SYN2: variants seen among roughly 807,000 people sequenced by gnomAD.
The protein encoded by SYN2 is synapsin-2.
A neutral mutation model predicts 50.9 loss-of-function variants in SYN2; 19 were observed. The observed-to-expected ratio is 0.37, with a 90% CI of 0.26 to 0.55. The LOEUF is 0.55. Ranked by LOEUF, SYN2 falls within the 20% of genes least tolerant of loss-of-function variation. The pLI, the probability that SYN2 is intolerant of heterozygous loss-of-function variation, is 0.81. For synonymous variants in SYN2, 255 were observed against 224.9 expected, an observed-to-expected ratio of 1.13 and a Z score of -1.20; for missense variants, 587 against 576.4, an observed-to-expected ratio of 1.02 and a Z score of -0.19.
chr3:12,039,885 T>G (rs1020899928), intron 1 of SYN2, among the ~76,000 whole-genome samples: 1 of 152,202 alleles, frequency 6.6e-6, no homozygotes, highest in Admixed American at 6.5e-5. Context: ...TTATGACATG[T>G]TTCCTGCCTT....
At chr3:12,162,920 A>G (rs531999350) in intron 7 of SYN2, among the ~76,000 whole-genome samples, 24 of 152,284 alleles carry the variant, frequency 1.6e-4, no homozygotes, top group African/African-American at 5.3e-4. Context: ...TATAATTCCA[A>G]TTTTGGAAAT....
At chr3:12,146,728 G>A (rs535163843) in intron 4 of SYN2, among the ~76,000 whole-genome samples, 1 of 152,220 alleles carries the variant, frequency 6.6e-6, no homozygotes, top group South Asian at 2.1e-4. Flanking sequence ...GAAACTTTTA[G>A]GCAGATAGAA....
chr3:12,091,271 T>C (rs1415464298), intron 1 of SYN2, among the ~76,000 whole-genome samples: 1 of 152,232 alleles, frequency 6.6e-6, no homozygotes, highest in Non-Finnish European at 1.5e-5. Flanking sequence ...ATGTATTTTT[T>C]TTCTCATTAC....
chr3:12,129,616 C>A (rs773455894), intron 1 of SYN2, among the ~76,000 whole-genome samples: 3 of 152,112 alleles, frequency 2.0e-5, no homozygotes, highest in Non-Finnish European at 2.9e-5. Context: ...GTGTATACCC[C>A]AGCCAGAAGA....
chr3:12,158,868 T>A, intron 5 of SYN2: 1 of 1,534,562 alleles, frequency 6.5e-7, no homozygotes, highest in Non-Finnish European at 8.7e-7. Context: ...ACTGAGCCTG[T>A]GAGGTCTGGG....
At chr3:12,136,815 T>C (rs1696903915) in intron 1 of SYN2, among the ~76,000 whole-genome samples, 1 of 152,156 alleles carries the variant, frequency 6.6e-6, no homozygotes, top group Admixed American at 6.5e-5. Context: ...AAGAAAAATG[T>C]TACAATAGGG....
chr3:12,142,882 C>G (rs1030686889), intron 3 of SYN2, among the ~76,000 whole-genome samples: 1 of 152,128 alleles, frequency 6.6e-6, no homozygotes, highest in Non-Finnish European at 1.5e-5. Context: ...ACAGGAAAGG[C>G]CAGACTGGAG....
chr3:12,103,629 G>A (rs977621215), intron 1 of SYN2, among the ~76,000 whole-genome samples: 7 of 152,090 alleles, frequency 4.6e-5, no homozygotes, highest in Non-Finnish European at 8.8e-5. Flanking sequence ...TGAGAAACCC[G>A]CTTCCAAGGT....
At chr3:12,137,478 G>T (rs1299154099) in intron 1 of SYN2, among the ~76,000 whole-genome samples, 1 of 152,076 alleles carries the variant, frequency 6.6e-6, no homozygotes, top group East Asian at 1.9e-4. Context: ...TCATCCTGTG[G>T]ATATATTTTT....
intron 1 of SYN2, among the ~76,000 whole-genome samples, chr3:12,064,865 C>T (rs1695178078): frequency 6.6e-6 from 1 of 152,090 alleles, no homozygotes; most frequent in African/African-American, 2.4e-5. Flanking sequence ...AGCAATTTCA[C>T]TCATAGGTAT....
In SYN2 at chr3:12,022,599, A is replaced by G. The variant is rs542709487; in HGVS notation, c.377+17671A>G. Among the ~76,000 whole-genome samples, 94 of 151,758 alleles carry G rather than the reference A, an allele frequency of 6.2e-4. 1 individual carries two copies. The highest frequency in any genetic ancestry group is 2.1e-3 in the African/African-American group (87 of 41,342). On this transcript the variant is annotated intron_variant, in intron 1 of 12. Transcript: ENST00000621198. ...ATTTTTGTATTTTTTTAGTAGAGAC[A>G]GGGTTTCACCATATTTACCAAGATG...
intron 7 of SYN2, among the ~76,000 whole-genome samples, chr3:12,163,927 A>T (rs1697719476): frequency 6.6e-6 from 1 of 152,084 alleles, no homozygotes; most frequent in Non-Finnish European, 1.5e-5. Context: ...AAATACAAAA[A>T]TTAGCTGGAT....
chr3:12,169,467 A>C (rs958499683), intron 9 of SYN2, among the ~76,000 whole-genome samples: 26 of 152,060 alleles, frequency 1.7e-4, no homozygotes, highest in Admixed American at 1.6e-3. Flanking sequence ...CTGAGGCTTT[A>C]CCCTCTCCTT....
chr3:12,167,892 G>C (rs906015142), intron 8 of SYN2, among the ~76,000 whole-genome samples: 3 of 152,172 alleles, frequency 2.0e-5, no homozygotes, highest in East Asian at 1.9e-4. Flanking sequence ...TAAGGAACTT[G>C]TTGGGAACTG....
chr3:12,026,430 T>G (rs1694258374), intron 1 of SYN2, among the ~76,000 whole-genome samples: 1 of 152,002 alleles, frequency 6.6e-6, no homozygotes, highest in Non-Finnish European at 1.5e-5. Flanking sequence ...TACAAGGCCT[T>G]CATGCTACCC....
intron 1 of SYN2, among the ~76,000 whole-genome samples, chr3:12,100,889 C>A (rs1313139873): frequency 6.6e-6 from 1 of 152,116 alleles, no homozygotes; most frequent in Non-Finnish European, 1.5e-5. Flanking sequence ...TACTCAGCAT[C>A]ATTTACCATC....
At chr3:12,031,948 G>A (rs1162078664) in intron 1 of SYN2, among the ~76,000 whole-genome samples, 18 of 144,672 alleles carry the variant, frequency 1.2e-4, no homozygotes, top group African/African-American at 2.7e-4. Flanking sequence ...GATTTTGCTC[G>A]TTAGTTGATG....
At chr3:12,183,209 C>G (rs1698261502) in intron 10 of SYN2, 103 bp from the exon 11 acceptor site, 1 of 1,450,614 alleles carries the variant, frequency 6.9e-7, no homozygotes, top group Non-Finnish European at 9.2e-7. Context: ...CCCACCAGGT[C>G]CCACCGGATT....
chr3:12,173,226 A>G (rs892284835), intron 10 of SYN2, among the ~76,000 whole-genome samples: 3 of 152,320 alleles, frequency 2.0e-5, no homozygotes, highest in South Asian at 4.1e-4. Context: ...GCTTAAAGCC[A>G]TGACTGTACT....
Sources: gnomAD v4.1 joint callset for allele counts (sites outside exome capture counted in the v4.1 genomes callset) on GRCh38, gnomAD v4.1.1 for gene constraint, MANE v1.5 for transcripts, NCBI Gene and HGNC (gene_info 2026-07-23, HGNC 2026-07-21) for gene names.